COTL1: variants seen among roughly 807,000 people sequenced by gnomAD.
COTL1 encodes coactosin like F-actin binding protein 1, also known as coactosin-like protein.
Under a neutral mutation model 16.5 loss-of-function variants are expected in COTL1, and 15 were observed. The ratio of observed to expected loss-of-function variants is 0.91; its 90% CI spans 0.61 to 1.40. The LOEUF (loss-of-function observed/expected upper bound fraction) is 1.40. Among genes scored for constraint, COTL1 ranks in the 40% most tolerant of loss-of-function variants. COTL1 has a pLI of 0.00. For missense variants in COTL1, 220 were observed against 201.5 expected, an observed-to-expected ratio of 1.09 and a Z score of -0.56; for synonymous variants, 112 against 85.3, an observed-to-expected ratio of 1.31 and a Z score of -1.73.
intron 2 of COTL1, among the ~76,000 whole-genome samples, chr16:84,606,487 T>G (rs1365839913): frequency 6.6e-6 from 1 of 152,264 alleles, no homozygotes; most frequent in East Asian, 1.9e-4. Context: ...GGGGCTTGGA[T>G]GCTCCCAGGA....
chr16:84,575,411 T>A (rs1264546618), intron 3 of COTL1: 1 of 151,936 alleles, frequency 6.6e-6, no homozygotes, highest in Non-Finnish European at 1.5e-5. Context: ...CAGACTGGAG[T>A]GCAGTGGTGC....
At chr16:84,593,898 T>C (rs1904934815) in intron 2 of COTL1, among the ~76,000 whole-genome samples, 1 of 152,206 alleles carries the variant, frequency 6.6e-6, no homozygotes, top group Non-Finnish European at 1.5e-5. Flanking sequence ...CAACGAGAAC[T>C]CCCGTCCTCA....
chr16:84,581,757 G>T (rs1904599603), intron 3 of COTL1, among the ~76,000 whole-genome samples: 1 of 151,988 alleles, frequency 6.6e-6, no homozygotes, highest in South Asian at 2.1e-4. Flanking sequence ...TACCCGCCTT[G>T]GCCTCCCAAA....
chr16:84,569,292 G>C (rs541640888), intron 3 of COTL1, among the ~76,000 whole-genome samples: 1 of 152,170 alleles, frequency 6.6e-6, no homozygotes, highest in South Asian at 2.1e-4. Flanking sequence ...CTGCACTCCA[G>C]CCTGGGCGAC....
intron 2 of COTL1, 147 bp downstream of exon 2, chr16:84,617,354 A>T (rs1176817406): frequency 2.9e-6 from 2 of 691,930 alleles, no homozygotes; most frequent in East Asian, 5.5e-5. Context: ...AGGCCTTAAA[A>T]CGCTCACACC....
intron 3 of COTL1, among the ~76,000 whole-genome samples, chr16:84,570,279 A>G (rs1904319435): frequency 6.6e-6 from 1 of 152,222 alleles, no homozygotes; most frequent in Non-Finnish European, 1.5e-5. Context: ...CATCTCAAAA[A>G]AAGAAAAATA....
intron 3 of COTL1, among the ~76,000 whole-genome samples, chr16:84,574,595 G>C (rs73255512): frequency 0.4 from 60,307 of 151,862 alleles, 12,793 homozygotes; most frequent in East Asian, 0.76. Context: ...TTTTGTTTTT[G>C]TTTTTTCTGA....
intron 2 of COTL1, among the ~76,000 whole-genome samples, chr16:84,610,270 G>C (rs114304631): frequency 0.017 from 2,556 of 152,254 alleles, 77 homozygotes; most frequent in African/African-American, 0.058. Flanking sequence ...ACTAAATCCA[G>C]AACCCACTCA....
At chr16:84,611,979 G>T (rs1209492887) in intron 2 of COTL1, among the ~76,000 whole-genome samples, 1 of 152,076 alleles carries the variant, frequency 6.6e-6, no homozygotes, top group Non-Finnish European at 1.5e-5. Context: ...GCTCCCAGTG[G>T]CTCTGTCAGG....
intron 3 of COTL1, among the ~76,000 whole-genome samples, chr16:84,577,338 A>T (rs191215629): frequency 9.9e-5 from 15 of 152,244 alleles, no homozygotes; most frequent in African/African-American, 3.6e-4. Context: ...TCCATCTCCT[A>T]AGTTCAAGCG....
At chr16:84,581,167 A>G (rs2326331) in intron 3 of COTL1, among the ~76,000 whole-genome samples, 53,507 of 147,458 alleles carry the variant, frequency 0.36, 10,992 homozygotes, top group African/African-American at 0.56. Context: ...ACAAATAAAT[A>G]TATGTATGTA....
chr16:84,613,610 G>A (rs139637873), intron 2 of COTL1, among the ~76,000 whole-genome samples: 1 of 152,308 alleles, frequency 6.6e-6, no homozygotes, highest in African/African-American at 2.4e-5. Flanking sequence ...GAGCAGAGGA[G>A]TGACTTGATT....
chr16:84,573,768 T>C (rs145986278), intron 3 of COTL1, among the ~76,000 whole-genome samples: 11 of 146,210 alleles, frequency 7.5e-5, no homozygotes, highest in East Asian at 2.0e-4. Context: ...TATATATACA[T>C]ACACACACAC....
chr16:84,614,627 G>A lies in COTL1; in HGVS notation c.160+2874C>T, dbSNP rs192192361. 4.3e-3 allele frequency among the ~76,000 whole-genome samples: 655 copies of A among 152,206 alleles called. 4 individuals are homozygous for A. Among genetic ancestry groups the A allele is most frequent in the African/African-American group, 0.015 (615 of 41,510 alleles). ...GACCCCAGGAAGGCCCACACCCTGA[G>A]GTTATAAGGAAGAAACTGGGTGCTG... On this transcript the variant is annotated intron_variant, in intron 2 of 3. Coordinates refer to ENST00000262428, the MANE Select transcript of COTL1 (RefSeq NM_021149.5).
intron 2 of COTL1, among the ~76,000 whole-genome samples, chr16:84,598,284 C>A (rs1281665162): frequency 6.6e-6 from 1 of 152,176 alleles, no homozygotes; most frequent in Admixed American, 6.5e-5. Context: ...GTCTATGAAG[C>A]CTCATCAGAA....
At chr16:84,583,069 G>C (rs994247453) in intron 3 of COTL1, among the ~76,000 whole-genome samples, 1 of 152,166 alleles carries the variant, frequency 6.6e-6, no homozygotes, top group African/African-American at 2.4e-5. Flanking sequence ...TGCGGCCTTC[G>C]AACCTCTTCC....
At chr16:84,606,477 G>A (rs182938516) in intron 2 of COTL1, among the ~76,000 whole-genome samples, 26 of 152,382 alleles carry the variant, frequency 1.7e-4, no homozygotes, top group African/African-American at 5.3e-4. Context: ...GTTGCCCCAC[G>A]GGGCTTGGAT....
chr16:84,581,164 A>ATGTATGTATGTATGTATGT (rs1391540848), intron 3 of COTL1, among the ~76,000 whole-genome samples: 34,139 of 146,120 alleles, frequency 0.23, 4,219 homozygotes, highest in African/African-American at 0.29. Context: ...CAAACAAATA[A>ATGTATGTATGTATGTATGT]ATATATGTAT....
chr16:84,570,941 T>A (rs1351640728), intron 3 of COTL1, among the ~76,000 whole-genome samples: 1 of 140,944 alleles, frequency 7.1e-6, no homozygotes, highest in Non-Finnish European at 1.5e-5. Flanking sequence ...AATTGAGTCT[T>A]CCCTCATTCC....
Sources: gnomAD v4.1 joint callset for allele counts (sites outside exome capture counted in the v4.1 genomes callset) on GRCh38, gnomAD v4.1.1 for gene constraint, MANE v1.5 for transcripts, NCBI Gene and HGNC (gene_info 2026-07-23, HGNC 2026-07-21) for gene names.